The following SOHLH2 variants were observed in gnomAD, a reference collection of about 807,000 sequenced individuals.
The protein encoded by SOHLH2 is spermatogenesis and oogenesis specific basic helix-loop-helix 2.
In SOHLH2, 22 loss-of-function variants were observed where a neutral mutation model predicts 50.4. The ratio of observed to expected loss-of-function variants is 0.44; its 90% CI spans 0.31 to 0.62. SOHLH2 has a LOEUF of 0.62. Among genes scored for constraint, SOHLH2 ranks in the 20% least tolerant of loss-of-function variants. The pLI is 0.08. For missense variants in SOHLH2, 412 were observed against 504.4 expected (o/e 0.82, Z 1.76); for synonymous variants, 185 against 187.3 (o/e 0.99, Z 0.10).
intron 5 of SOHLH2, 135 bp downstream of exon 5, chr13:36,191,660 T>C (rs1672824035): frequency 2.1e-6 from 2 of 962,114 alleles, no homozygotes; most frequent in African/African-American, 3.3e-5. Flanking sequence ...AGTTGAATAC[T>C]TCTGTAATGT....
chr13:36,199,306 C>T (rs1887826201), intron 2 of SOHLH2, among the ~76,000 whole-genome samples: 1 of 103,742 alleles, frequency 9.6e-6, no homozygotes, highest in African/African-American at 3.4e-5. Context: ...AAAGCTTACA[C>T]ACCCTCACAC....
intron 5 of SOHLH2, 114 bp from the exon 6 acceptor site, chr13:36,190,170 T>C (rs1887535079): frequency 1.1e-6 from 1 of 871,976 alleles, no homozygotes; most frequent in South Asian, 3.3e-5. Context: ...TCTTGCTTCA[T>C]ACAAAGGGGC....
At chr13:36,203,629 C>T (rs1471127503) in intron 1 of SOHLH2, among the ~76,000 whole-genome samples, 2 of 152,056 alleles carry the variant, frequency 1.3e-5, no homozygotes, top group African/African-American at 2.4e-5. Flanking sequence ...TTTATATCCC[C>T]GTAAGCAGTA....
intron 10 of SOHLH2, among the ~76,000 whole-genome samples, chr13:36,169,307 C>A (rs1350113521): frequency 2.0e-5 from 3 of 152,176 alleles, no homozygotes; most frequent in African/African-American, 7.2e-5. Context: ...ATATTGTAAT[C>A]TTTGCTTTCA....
intron 4 of SOHLH2, 138 bp downstream of exon 4, chr13:36,193,483 T>C (rs977063892): frequency 9.8e-7 from 1 of 1,021,146 alleles, no homozygotes; most frequent in Non-Finnish European, 1.4e-6. Flanking sequence ...CCTCTGAAGA[T>C]GTAGTTTTTT....
At chr13:36,184,680 G>T (rs76597726) in intron 6 of SOHLH2, among the ~76,000 whole-genome samples, 1 of 151,892 alleles carries the variant, frequency 6.6e-6, no homozygotes, top group Non-Finnish European at 1.5e-5. Flanking sequence ...GGATGGTCTC[G>T]ATCTCCTGAC....
At chr13:36,175,090 A>C (rs74812707) in intron 6 of SOHLH2, among the ~76,000 whole-genome samples, 14,476 of 152,182 alleles carry the variant, frequency 0.095, 690 homozygotes, top group East Asian at 0.12. Context: ...TACACAAAGA[A>C]CCACTGCCCA....
chr13:36,197,118 A>G (rs976514005), intron 2 of SOHLH2, among the ~76,000 whole-genome samples: 29 of 152,232 alleles, frequency 1.9e-4, no homozygotes, highest in Admixed American at 9.2e-4. Context: ...TCTATATACC[A>G]AAATCAAACT....
In SOHLH2 at chr13:36,191,910, G is replaced by A. The variant is rs1264865935; in HGVS notation, c.431-16C>T. 2.5e-6 allele frequency: 4 copies of A among 1,613,578 alleles called. No homozygotes were observed. The highest frequency in any genetic ancestry group is 2.2e-5 in the East Asian group (1 of 44,866). On this transcript the variant is annotated splice_polypyrimidine_tract_variant and intron_variant, in intron 4 of 10. Transcript: ENST00000379881. ...TCAGTCTTAACTGAAAGTTTTGAGAGGGGAACTATTTATTTCTGAAGTCAC... is the reference window on the plus strand; with the variant it reads ...TCAGTCTTAACTGAAAGTTTTGAGAAGGGAACTATTTATTTCTGAAGTCAC...
intron 1 of SOHLH2, among the ~76,000 whole-genome samples, chr13:36,203,286 A>T (rs1868537822): frequency 6.6e-6 from 1 of 152,206 alleles, no homozygotes; most frequent in African/African-American, 2.4e-5. Flanking sequence ...TTAACAATAT[A>T]GTTCAACAAT....
At chr13:36,209,022 C>T (rs1036469942) in intron 1 of SOHLH2, among the ~76,000 whole-genome samples, 4 of 152,228 alleles carry the variant, frequency 2.6e-5, no homozygotes, top group South Asian at 4.1e-4. Flanking sequence ...CACACAGTAG[C>T]TCTGAAAATT....
intron 1 of SOHLH2, among the ~76,000 whole-genome samples, chr13:36,204,698 G>T (rs1184379792): frequency 5.3e-5 from 8 of 152,070 alleles, no homozygotes; most frequent in Non-Finnish European, 1.2e-4. Context: ...TCTTTATAGT[G>T]TGTTTTGATA....
intron 4 of SOHLH2, among the ~76,000 whole-genome samples, 165 bp from the exon 5 acceptor site, chr13:36,192,059 T>TA (rs1240144604): frequency 1.3e-5 from 2 of 152,216 alleles, no homozygotes; most frequent in Non-Finnish European, 2.9e-5. Context: ...CTGTGAAATA[T>TA]AAAACCACCT....
At chr13:36,194,167 G>A (rs7993019) in intron 2 of SOHLH2, among the ~76,000 whole-genome samples, 5,284 of 151,746 alleles carry the variant, frequency 0.035, 238 homozygotes, top group African/African-American at 0.1. Context: ...TCATGGGAAT[G>A]AAACAAGCAG....
chr13:36,191,190 T>C (rs1887562076), intron 5 of SOHLH2, among the ~76,000 whole-genome samples: 1 of 152,136 alleles, frequency 6.6e-6, no homozygotes, highest in South Asian at 2.1e-4. Flanking sequence ...CAGGTTTGAA[T>C]GCCAGTTCTA....
At chr13:36,190,198 C>T (rs905070283) in intron 5 of SOHLH2, 142 bp from the exon 6 acceptor site, 1 of 568,090 alleles carries the variant, frequency 1.8e-6, no homozygotes, top group Admixed American at 3.9e-5. Context: ...GTCAAAACAC[C>T]ATATCTTAGA....
At chr13:36,208,631 T>C (rs1376360605) in intron 1 of SOHLH2, among the ~76,000 whole-genome samples, 1 of 152,184 alleles carries the variant, frequency 6.6e-6, no homozygotes, top group Non-Finnish European at 1.5e-5. Flanking sequence ...AATATTTACA[T>C]TTTTATTAAC....
At chr13:36,212,011 C>T (rs1330206814) in intron 1 of SOHLH2, among the ~76,000 whole-genome samples, 1 of 152,212 alleles carries the variant, frequency 6.6e-6, no homozygotes, top group African/African-American at 2.4e-5. Flanking sequence ...TCTGACTGCA[C>T]TATCCTCCCC....
At chr13:36,200,155 C>T (rs922426953) in intron 2 of SOHLH2, among the ~76,000 whole-genome samples, 2 of 152,148 alleles carry the variant, frequency 1.3e-5, no homozygotes, top group Admixed American at 6.5e-5. Flanking sequence ...CCTGCTCCAC[C>T]TGCCTCATGT....
Sources: gnomAD v4.1 joint callset for allele counts (sites outside exome capture counted in the v4.1 genomes callset) on GRCh38, gnomAD v4.1.1 for gene constraint, MANE v1.5 for transcripts, NCBI Gene and HGNC (gene_info 2026-07-23, HGNC 2026-07-21) for gene names.